LPAR6: variants seen among roughly 807,000 people sequenced by gnomAD.
The protein encoded by LPAR6 is lysophosphatidic acid receptor 6.
LPAR6 carries 17 observed loss-of-function variants against 22.0 expected under a neutral mutation model. The observed-to-expected ratio is 0.77, with a 90% CI of 0.53 to 1.16. LPAR6 has a LOEUF of 1.16. LPAR6 is among the 50% of genes most tolerant of loss of function. LPAR6 has a pLI of 0.00. For synonymous variants in LPAR6, 136 were observed against 139.8 expected (o/e 0.97, Z 0.19); for missense variants, 384 against 406.9 (o/e 0.94, Z 0.48).
At chr13:48,444,389 C>G (rs1251381238) in intron 1 of LPAR6, among the ~76,000 whole-genome samples, 3 of 152,186 alleles carry the variant, frequency 2.0e-5, no homozygotes, top group African/African-American at 7.2e-5. Flanking sequence ...TGGTGGCATG[C>G]CCCTGTAGTC....
chr13:48,433,682 A>AT (rs10665957), intron 1 of LPAR6, among the ~76,000 whole-genome samples: 8,247 of 146,752 alleles, frequency 0.056, 404 homozygotes, highest in East Asian at 0.15. Flanking sequence ...ACAAAAATGC[A>AT]TTTTTTTTTT....
downstream of LPAR6, chr13:48,408,815 C>A (rs2138192258): frequency 6.6e-6 from 1 of 152,250 alleles, no homozygotes; most frequent in Non-Finnish European, 1.5e-5. Context: ...ATAGTAATAA[C>A]AACTATTTAA....
upstream of LPAR6, among the ~76,000 whole-genome samples, chr13:48,416,929 A>G (rs1017853128): frequency 6.6e-6 from 1 of 152,178 alleles, no homozygotes; most frequent in African/African-American, 2.4e-5. Flanking sequence ...AGGGGCTTAT[A>G]GATAAAACTG....
chr13:48,439,339 A>G (rs1180708599), intron 1 of LPAR6, among the ~76,000 whole-genome samples: 1 of 152,194 alleles, frequency 6.6e-6, no homozygotes, highest in Non-Finnish European at 1.5e-5. Flanking sequence ...ACTATTATTA[A>G]ATTAAGATAA....
At chr13:48,444,074 T>C (rs1949264177) in intron 1 of LPAR6, among the ~76,000 whole-genome samples, 1 of 152,146 alleles carries the variant, frequency 6.6e-6, no homozygotes, top group African/African-American at 2.4e-5. Flanking sequence ...TTGGAGATAG[T>C]GTCAGATCCC....
chr13:48,404,839 C>G (rs1288160881), intron 1 of LPAR6, among the ~76,000 whole-genome samples: 1 of 151,738 alleles, frequency 6.6e-6, no homozygotes, highest in Non-Finnish European at 1.5e-5. Flanking sequence ...ATTCAGAATT[C>G]TAAAGATAAT....
At chr13:48,441,014 A>G (rs1004652579) in intron 1 of LPAR6, among the ~76,000 whole-genome samples, 3 of 152,216 alleles carry the variant, frequency 2.0e-5, no homozygotes, top group Admixed American at 2.0e-4. Flanking sequence ...CTTGAAATTA[A>G]TCATTAGATT....
chr13:48,414,159 C>A (rs1948867205), upstream of LPAR6, among the ~76,000 whole-genome samples: 1 of 151,962 alleles, frequency 6.6e-6, no homozygotes. Context: ...AGCAGCCTGG[C>A]CAAAATGGCG....
chr13:48,392,759 TC>T (rs1948620603), intron 1 of LPAR6, among the ~76,000 whole-genome samples: 1 of 152,084 alleles, frequency 6.6e-6, no homozygotes, highest in African/African-American at 2.4e-5. Context: ...GTTCTCTCTC[TC>T]TCTCTCTTTT....
chr13:48,394,395 G>A (rs1034496140), intron 1 of LPAR6, among the ~76,000 whole-genome samples: 5 of 152,134 alleles, frequency 3.3e-5, no homozygotes, highest in African/African-American at 9.7e-5. Context: ...GAATGACAGC[G>A]AGTTAGAACC....
chr13:48,416,639 T>A (rs1405813111), upstream of LPAR6: 2 of 152,330 alleles, frequency 1.3e-5, no homozygotes, highest in African/African-American at 4.8e-5. Context: ...GTGGTCTAGC[T>A]CAGTGGATCC....
chr13:48,434,250 C>T (rs886588893), intron 1 of LPAR6, among the ~76,000 whole-genome samples: 8 of 151,700 alleles, frequency 5.3e-5, no homozygotes, highest in East Asian at 3.9e-4. Context: ...AGTTTGAGAA[C>T]GGCCTGGACA....
chr13:48,431,445 T>C (rs917710296), upstream of LPAR6, among the ~76,000 whole-genome samples: 3 of 152,168 alleles, frequency 2.0e-5, no homozygotes, highest in Non-Finnish European at 4.4e-5. Context: ...CTTAACCCAC[T>C]TGGAATTCAA....
intron 1 of LPAR6, among the ~76,000 whole-genome samples, chr13:48,395,565 C>T (rs198561): frequency 0.21 from 32,209 of 151,706 alleles, 3,575 homozygotes; most frequent in South Asian, 0.26. Flanking sequence ...AAACACAACA[C>T]GAGGACTTTG....
intron 1 of LPAR6, chr13:48,426,664 A>C (rs1949083639): frequency 6.6e-6 from 1 of 152,168 alleles, no homozygotes; most frequent in Non-Finnish European, 1.5e-5. Context: ...GGAAACTAAA[A>C]CCATAGCTGA....
chr13:48,421,510 G>A (rs1470590897), intron 2 of LPAR6, among the ~76,000 whole-genome samples: 1 of 152,110 alleles, frequency 6.6e-6, no homozygotes, highest in Non-Finnish European at 1.5e-5. Flanking sequence ...AGCCAAAATT[G>A]ACAAATGGGA....
chr13:48,428,506 AC>A (rs1410509234), upstream of LPAR6, among the ~76,000 whole-genome samples: 1 of 152,242 alleles, frequency 6.6e-6, no homozygotes, highest in East Asian at 1.9e-4. Context: ...GAAGGGACAA[AC>A]ATTGAAACCA....
rs772849643 is a variant in LPAR6 at position 48,411,150 on chromosome 13, A to AT, written c.*238dup. Reference sequence around the variant, plus strand: ...TTTAGACACTAAATAACTTTAAGAGATTTTTTTTAATGAAGGAACAAATCA... The same window carrying AT: ...TTTAGACACTAAATAACTTTAAGAGATTTTTTTTTAATGAAGGAACAAATCA... On this transcript the variant is annotated 3_prime_UTR_variant, in exon 1 of 1. Coordinates refer to ENST00000620633, the MANE Select transcript of LPAR6 (RefSeq NM_001162498.3). 72 of 391,582 alleles carry AT rather than the reference A, an allele frequency of 1.8e-4. No individual in the cohort carries two copies. Among genetic ancestry groups the AT allele is most frequent in the East Asian group, 2.6e-4 (6 of 23,494 alleles). The allele number at this position is 391,582 out of a possible 1,614,324, so 24.3% of individuals were successfully genotyped here. A position where few individuals can be genotyped will look rare whatever the true frequency, so the allele number is the denominator to read the frequency against.
At chr13:48,426,359 A>ACT (rs1472457252) in intron 1 of LPAR6, among the ~76,000 whole-genome samples, 1 of 152,240 alleles carries the variant, frequency 6.6e-6, no homozygotes, top group Non-Finnish European at 1.5e-5. Flanking sequence ...TCTGTCAGAT[A>ACT]AAGAAGTGAT....
Sources: allele counts gnomAD v4.1 joint callset (sites outside exome capture counted in the v4.1 genomes callset), GRCh38; gene constraint gnomAD v4.1.1; transcripts MANE v1.5; gene names NCBI Gene and HGNC (gene_info 2026-07-23, HGNC 2026-07-21).